ARHGAP22: variants seen among roughly 807,000 people sequenced by gnomAD.
ARHGAP22 encodes the protein Rho GTPase activating protein 22, also known as rho GTPase-activating protein 22.
Under a neutral mutation model 59.1 loss-of-function variants are expected in ARHGAP22, and 48 were observed. The observed-to-expected ratio is 0.81, with a 90% confidence interval of 0.64 to 1.03. The LOEUF is 1.03. ARHGAP22 is among the 50% of genes least tolerant of loss of function. The pLI is 0.00. For synonymous variants in ARHGAP22, 445 were observed against 416.4 expected (o/e 1.07, Z -0.84); for missense variants, 1,015 against 958.7 (o/e 1.06, Z -0.78).
intron 3 of ARHGAP22, chr10:48,524,227 C>G (rs1232435786): frequency 7.7e-6 from 4 of 518,060 alleles, no homozygotes; most frequent in Non-Finnish European, 9.9e-6. Context: ...CGCGGGACCG[C>G]CGGCCCGCGG....
At chr10:48,535,174 C>T (rs1045751824) in intron 3 of ARHGAP22, among the ~76,000 whole-genome samples, 6 of 152,166 alleles carry the variant, frequency 3.9e-5, no homozygotes, top group Admixed American at 3.3e-4. Context: ...GACACAACAA[C>T]CCTGAGAATG....
At chr10:48,628,625 G>A (rs34428947) in intron 1 of ARHGAP22, among the ~76,000 whole-genome samples, 9 of 152,046 alleles carry the variant, frequency 5.9e-5, no homozygotes, top group African/African-American at 7.2e-5. Flanking sequence ...ATTTGATTCC[G>A]CCTGGTGACT....
intron 9 of ARHGAP22, among the ~76,000 whole-genome samples, chr10:48,448,925 G>T (rs1390173057): frequency 6.6e-6 from 1 of 152,220 alleles, no homozygotes; most frequent in Non-Finnish European, 1.5e-5. Flanking sequence ...AATGGGTGAG[G>T]TCACTGGGGC....
chr10:48,580,422 T>C (rs552245426), intron 2 of ARHGAP22, among the ~76,000 whole-genome samples: 1 of 152,234 alleles, frequency 6.6e-6, no homozygotes, highest in African/African-American at 2.4e-5. Context: ...TGGGGAAGCC[T>C]GTGGCAGAGG....
chr10:48,535,777 C>T (rs2055290775), intron 3 of ARHGAP22, among the ~76,000 whole-genome samples: 1 of 152,228 alleles, frequency 6.6e-6, no homozygotes, highest in Non-Finnish European at 1.5e-5. Context: ...TCTTGAAAGA[C>T]TCTCAGTTCA....
chr10:48,581,444 C>T (rs1479652078), intron 2 of ARHGAP22, among the ~76,000 whole-genome samples: 1 of 152,214 alleles, frequency 6.6e-6, no homozygotes, highest in Non-Finnish European at 1.5e-5. Flanking sequence ...TGCTAGGTCT[C>T]ATTCAGATCT....
At chr10:48,493,968 G>A (rs1321757899) in intron 3 of ARHGAP22, among the ~76,000 whole-genome samples, 1 of 152,234 alleles carries the variant, frequency 6.6e-6, no homozygotes, top group Non-Finnish European at 1.5e-5. Context: ...CCTGATGTAA[G>A]TGCTTATGCC....
chr10:48,547,649 T>TCTC (rs200792976), intron 3 of ARHGAP22, among the ~76,000 whole-genome samples: 1 of 152,130 alleles, frequency 6.6e-6, no homozygotes, highest in Non-Finnish European at 1.5e-5. Flanking sequence ...AACAGAGCAC[T>TCTC]CTCCTCCTCC....
At chr10:48,572,179 C>T (rs1287800681) in intron 2 of ARHGAP22, among the ~76,000 whole-genome samples, 2 of 125,574 alleles carry the variant, frequency 1.6e-5, no homozygotes, top group African/African-American at 6.5e-5. Flanking sequence ...AGACCCAAGG[C>T]CATTCCAACC....
rs149336164 is a variant in ARHGAP22, at chr10:48,638,680, G to T, written c.52+13554C>A. ...ATTTATTCATTCATTCAACAAACAA[G>T]TATTAAACATATATTATGTGCCAGG... On this transcript the variant is annotated intron_variant, in intron 1 of 9. Coordinates refer to the ARHGAP22 transcript ENST00000435790. 1.5e-3 allele frequency among the ~76,000 whole-genome samples: 233 copies of T among 152,110 alleles called. 1 individual carries two copies. Among genetic ancestry groups the T allele is most frequent in the African/African-American group, 5.3e-3 (219 of 41,478 alleles).
At chr10:48,645,908 CTGTCT>C (rs1401831318) in intron 1 of ARHGAP22, among the ~76,000 whole-genome samples, 1 of 152,118 alleles carries the variant, frequency 6.6e-6, no homozygotes, top group Non-Finnish European at 1.5e-5. Context: ...AGAAGAAAAT[CTGTCT>C]TTATTTGCAG....
intron 8 of ARHGAP22, chr10:48,451,523 C>T: frequency 1.4e-6 from 1 of 702,460 alleles, no homozygotes; most frequent in Non-Finnish European, 2.6e-6. Context: ...CCACGTCACC[C>T]CTCTGTGCTG....
chr10:48,548,553 T>G (rs1055788337), intron 3 of ARHGAP22, among the ~76,000 whole-genome samples: 7 of 152,240 alleles, frequency 4.6e-5, no homozygotes, highest in African/African-American at 1.7e-4. Context: ...GGCCGTTTTT[T>G]GGGGACAGGC....
chr10:48,566,803 G>A (rs1030390000), intron 2 of ARHGAP22, among the ~76,000 whole-genome samples: 8 of 152,222 alleles, frequency 5.3e-5, no homozygotes, highest in Non-Finnish European at 1.0e-4. Flanking sequence ...CAGGGGCTTT[G>A]AACTCAGAAC....
intron 5 of ARHGAP22, 30 bp downstream of exon 5, chr10:48,459,654 G>A (rs766271771): frequency 1.2e-6 from 2 of 1,611,308 alleles, no homozygotes; most frequent in East Asian, 4.5e-5. Flanking sequence ...TGGACAAATG[G>A]CTCCACCTTA....
intron 1 of ARHGAP22, among the ~76,000 whole-genome samples, chr10:48,627,757 AT>A (rs1192259220): frequency 3.9e-5 from 6 of 152,206 alleles, no homozygotes; most frequent in African/African-American, 1.4e-4. Flanking sequence ...TGAGGCATGC[AT>A]TCTCAGGGCC....
chr10:48,482,006 A>G (rs927515580), intron 3 of ARHGAP22, among the ~76,000 whole-genome samples: 1 of 152,188 alleles, frequency 6.6e-6, no homozygotes, highest in African/African-American at 2.4e-5. Flanking sequence ...TCTGGATATA[A>G]GGCCTTTACC....
chr10:48,598,798 CCCCAGGTTGCCA>C (rs2060219831), intron 1 of ARHGAP22, among the ~76,000 whole-genome samples: 1 of 152,190 alleles, frequency 6.6e-6, no homozygotes. Context: ...ACACCGCTTG[CCCCAGGTTGCCA>C]CCTCTGGGCC....
chr10:48,613,734 C>G (rs1487732651), intron 1 of ARHGAP22, among the ~76,000 whole-genome samples: 2 of 151,384 alleles, frequency 1.3e-5, no homozygotes, highest in East Asian at 3.9e-4. Flanking sequence ...CCTCCAACAT[C>G]TAAGGATTGT....
Sources: gnomAD v4.1 joint callset for allele counts (sites outside exome capture counted in the v4.1 genomes callset) on GRCh38, gnomAD v4.1.1 for gene constraint, MANE v1.5 for transcripts, NCBI Gene and HGNC (gene_info 2026-07-23, HGNC 2026-07-21) for gene names.